Variants in GULP1 observed in about 807,000 individuals in gnomAD.
The protein encoded by GULP1 is GULP PTB domain containing engulfment adaptor 1, also known as PTB domain-containing engulfment adapter protein 1.
Under a neutral mutation model 40.9 loss-of-function variants are expected in GULP1, and 19 were observed. The observed-to-expected ratio is 0.46, with a 90% CI of 0.32 to 0.68. GULP1 has a LOEUF of 0.68. GULP1 is among the 30% of genes least tolerant of loss of function. The pLI, the probability that GULP1 is intolerant of heterozygous loss-of-function variation, is 0.03. For missense variants in GULP1, 312 were observed against 362.2 expected, an observed-to-expected ratio of 0.86 and a Z score of 1.12; for synonymous variants, 119 against 117.6, an observed-to-expected ratio of 1.01 and a Z score of -0.08.
intron 7 of GULP1, chr2:188,542,260 A>G (rs1054506161): frequency 5.3e-5 from 8 of 152,182 alleles, no homozygotes; most frequent in African/African-American, 1.9e-4. Flanking sequence ...TAACCTCAAC[A>G]ATTTTATTGG....
rs371961737 is a variant in GULP1, at chr2:188,582,481, A to G, written c.610-1784A>G. ...CTCCTATCAACTCGCCTGATTCCAG[A>G]CTATCACTGGGACTGTTAATACCAC... On this transcript the variant is annotated intron_variant, in intron 9 of 11. Transcript: ENST00000409830. 69 of 471,652 alleles carry G rather than the reference A, an allele frequency of 1.5e-4. No homozygotes were observed. In the East Asian group the frequency reaches 4.2e-3, roughly 29 times the overall value. 29.2% of individuals were successfully genotyped at this position (471,652 alleles called of 1,614,324 possible).
chr2:188,371,066 G>C (rs867990594), intron 1 of GULP1, among the ~76,000 whole-genome samples: 21 of 152,212 alleles, frequency 1.4e-4, no homozygotes, highest in Middle Eastern at 3.4e-3. Flanking sequence ...CAGTAAGTCC[G>C]TGGTTGCTGT....
chr2:188,341,992 A>G (rs189598431), intron 1 of GULP1, among the ~76,000 whole-genome samples: 1 of 152,318 alleles, frequency 6.6e-6, no homozygotes, highest in East Asian at 1.9e-4. Flanking sequence ...ACACTCCTTT[A>G]GTGTGCTATA....
chr2:188,477,568 TA>T, intron 2 of GULP1, 90 bp from the exon 3 acceptor site: 1 of 651,344 alleles, frequency 1.5e-6, no homozygotes, highest in Non-Finnish European at 2.6e-6. Flanking sequence ...TTTAAAAATT[TA>T]AAAAGCCTTT....
Position 188,456,306 on chromosome 2 carries a change from C to T in GULP1, c.-44-21353C>T, listed in dbSNP as rs564036942. Among the ~76,000 whole-genome samples, 17 of 152,284 alleles carry T rather than the reference C, an allele frequency of 1.1e-4. No homozygotes were observed. In the East Asian group the frequency reaches 2.5e-3, roughly 23 times the overall value. On this transcript the variant is annotated intron_variant, in intron 2 of 11. Coordinates refer to ENST00000409830, the MANE Select transcript of GULP1 (RefSeq NM_016315.4). ...ACCTTTGCAACAGCCTCTCCCATCA[C>T]GTGCCGGAAGGCCTAGGAAGAAAAA...
chr2:188,515,144 A>G (rs1210309999), intron 4 of GULP1, among the ~76,000 whole-genome samples: 1 of 151,484 alleles, frequency 6.6e-6, no homozygotes, highest in Non-Finnish European at 1.5e-5. Context: ...TTTTTTTCAG[A>G]TTGGCTGTAC....
At chr2:188,349,034 A>G (rs549881953) in intron 1 of GULP1, among the ~76,000 whole-genome samples, 4 of 152,364 alleles carry the variant, frequency 2.6e-5, no homozygotes, top group African/African-American at 9.6e-5. Flanking sequence ...TCATCTTAAA[A>G]CACAGATTAA....
intron 7 of GULP1, chr2:188,541,550 T>A: frequency 1.7e-6 from 1 of 589,162 alleles, no homozygotes; most frequent in Non-Finnish European, 3.0e-6. Flanking sequence ...ACATGTAAAT[T>A]TCTTTTATTA....
chr2:188,582,271 C>G (rs1475876085), intron 9 of GULP1: 1 of 421,262 alleles, frequency 2.4e-6, no homozygotes, highest in African/African-American at 2.0e-5. Context: ...AAATAAATTT[C>G]AAGTATACTT....
chr2:188,561,280 G>T (rs1696194256), intron 7 of GULP1, among the ~76,000 whole-genome samples: 1 of 152,218 alleles, frequency 6.6e-6, no homozygotes, highest in Non-Finnish European at 1.5e-5. Flanking sequence ...TTGGATGCCA[G>T]TCATGGGCAC....
At chr2:188,399,418 G>A (rs1402402104) in intron 2 of GULP1, among the ~76,000 whole-genome samples, 1 of 152,124 alleles carries the variant, frequency 6.6e-6, no homozygotes, top group East Asian at 1.9e-4. Flanking sequence ...CTGATTAACA[G>A]TTCTCAAAAG....
chr2:188,350,733 A>G (rs2044340261), intron 1 of GULP1, among the ~76,000 whole-genome samples: 1 of 152,032 alleles, frequency 6.6e-6, no homozygotes, highest in Admixed American at 6.6e-5. Flanking sequence ...TTTTTGAAAA[A>G]CATGATTATA....
At chr2:188,460,168 T>G (rs1448743423) in intron 2 of GULP1, among the ~76,000 whole-genome samples, 1 of 152,160 alleles carries the variant, frequency 6.6e-6, no homozygotes, top group Non-Finnish European at 1.5e-5. Flanking sequence ...AGTTGTTTTC[T>G]ATTTCTTTGA....
chr2:188,466,745 C>A (rs556813874), intron 2 of GULP1, among the ~76,000 whole-genome samples: 2 of 152,120 alleles, frequency 1.3e-5, no homozygotes, highest in South Asian at 2.1e-4. Context: ...CCCTACCTAC[C>A]AGATCATGAC....
chr2:188,331,213 C>G (rs1211632083), intron 1 of GULP1, among the ~76,000 whole-genome samples: 1 of 152,042 alleles, frequency 6.6e-6, no homozygotes, highest in African/African-American at 2.4e-5. Flanking sequence ...TGAGACAGGC[C>G]TTAGAAATAA....
intron 3 of GULP1, among the ~76,000 whole-genome samples, chr2:188,478,384 C>T (rs993586605): frequency 1.3e-5 from 2 of 151,946 alleles, no homozygotes; most frequent in African/African-American, 2.4e-5. Flanking sequence ...TATAACTTTG[C>T]GTAGGTCAGT....
intron 2 of GULP1, among the ~76,000 whole-genome samples, chr2:188,401,124 A>G (rs749725587): frequency 2.8e-4 from 43 of 152,272 alleles, no homozygotes; most frequent in Non-Finnish European, 5.4e-4. Flanking sequence ...GTATGTTAGT[A>G]TATAAATGGT....
intron 2 of GULP1, among the ~76,000 whole-genome samples, chr2:188,396,269 G>A (rs551914108): frequency 2.2e-4 from 34 of 152,350 alleles, no homozygotes; most frequent in African/African-American, 6.7e-4. Flanking sequence ...CAGAACAGCC[G>A]GAGGGGCAAA....
chr2:188,571,093 G>A (rs1698933051), intron 9 of GULP1, among the ~76,000 whole-genome samples: 1 of 152,108 alleles, frequency 6.6e-6, no homozygotes, highest in Admixed American at 6.5e-5. Flanking sequence ...AGAGGTCATG[G>A]CTGCAGTGAT....
Sources: allele counts gnomAD v4.1 joint callset (sites outside exome capture counted in the v4.1 genomes callset), GRCh38; gene constraint gnomAD v4.1.1; transcripts MANE v1.5; gene names NCBI Gene and HGNC (gene_info 2026-07-23, HGNC 2026-07-21).